The following EPB41L2 variants were observed in gnomAD, a reference collection of about 807,000 sequenced individuals.
The protein encoded by EPB41L2 is band 4.1-like protein 2.
Under a neutral mutation model 113.0 loss-of-function variants are expected in EPB41L2, and 43 were observed. The observed-to-expected ratio is 0.38, with a 90% CI of 0.30 to 0.49. EPB41L2 has a LOEUF of 0.49. Among genes scored for constraint, EPB41L2 ranks in the 20% least tolerant of loss-of-function variants. The pLI is 0.95. For missense variants in EPB41L2, 1,147 were observed against 1,223.4 expected (o/e 0.94, Z 0.93); for synonymous variants, 442 against 436.7 (o/e 1.01, Z -0.15).
At chr6:130,925,543 A>G (rs933249628) in intron 4 of EPB41L2, among the ~76,000 whole-genome samples, 2 of 152,168 alleles carry the variant, frequency 1.3e-5, no homozygotes, top group East Asian at 3.9e-4. Flanking sequence ...GTTATTCTAC[A>G]TATTGTACAA....
chr6:130,907,925 A>T (rs1477794805), intron 5 of EPB41L2, among the ~76,000 whole-genome samples: 1 of 152,158 alleles, frequency 6.6e-6, no homozygotes, highest in Non-Finnish European at 1.5e-5. Flanking sequence ...TCCTGGGACA[A>T]CTCTGGGCTC....
intron 3 of EPB41L2, among the ~76,000 whole-genome samples, chr6:130,950,533 A>G (rs1814562751): frequency 6.6e-6 from 1 of 152,152 alleles, no homozygotes; most frequent in Admixed American, 6.5e-5. Context: ...AAAAAAAACA[A>G]AAACTACCTT....
At chr6:131,007,653 T>A (rs1402887171) in intron 1 of EPB41L2, among the ~76,000 whole-genome samples, 1 of 152,066 alleles carries the variant, frequency 6.6e-6, no homozygotes, top group Non-Finnish European at 1.5e-5. Flanking sequence ...GACAATGAAG[T>A]CCAAGCTGAG....
intron 1 of EPB41L2, among the ~76,000 whole-genome samples, chr6:130,971,566 C>A (rs1776785568): frequency 6.6e-6 from 1 of 152,246 alleles, no homozygotes; most frequent in Admixed American, 6.5e-5. Context: ...GCTGCTTCTA[C>A]AACATGGAGC....
chr6:131,002,128 C>G (rs573484587), intron 1 of EPB41L2, among the ~76,000 whole-genome samples: 1 of 152,168 alleles, frequency 6.6e-6, no homozygotes, highest in Admixed American at 6.6e-5. Context: ...CTTTAACTAC[C>G]TGTTGATTCA....
intron 4 of EPB41L2, among the ~76,000 whole-genome samples, chr6:130,918,460 A>G (rs534071972): frequency 6.6e-6 from 1 of 152,310 alleles, no homozygotes; most frequent in African/African-American, 2.4e-5. Flanking sequence ...AGACATGAAT[A>G]CAAGAACTAT....
At chr6:130,977,254 A>G (rs1346747510) in intron 1 of EPB41L2, among the ~76,000 whole-genome samples, 4 of 152,336 alleles carry the variant, frequency 2.6e-5, no homozygotes, top group South Asian at 2.1e-4. Flanking sequence ...TGGAATTTGT[A>G]AAGAATCAAA....
chr6:130,928,179 CAATT>C (rs1260007275), intron 3 of EPB41L2, among the ~76,000 whole-genome samples: 7 of 152,228 alleles, frequency 4.6e-5, no homozygotes, highest in African/African-American at 1.4e-4. Context: ...ATTTAATAGT[CAATT>C]AAATTACTGA....
At chr6:131,014,788 TTCAG>T (rs1407081083) in intron 1 of EPB41L2, among the ~76,000 whole-genome samples, 1 of 152,236 alleles carries the variant, frequency 6.6e-6, no homozygotes, top group African/African-American at 2.4e-5. Context: ...AAGAGTATTT[TTCAG>T]TCAGAGTCCA....
chr6:130,887,500 A>G (rs976985261), intron 11 of EPB41L2, among the ~76,000 whole-genome samples: 7 of 151,964 alleles, frequency 4.6e-5, no homozygotes, highest in African/African-American at 1.7e-4. Context: ...ATAAATAAAA[A>G]CCACATTCTT....
chr6:131,053,496 C>A (rs538388765), intron 1 of EPB41L2, among the ~76,000 whole-genome samples: 5 of 149,166 alleles, frequency 3.4e-5, no homozygotes, highest in Non-Finnish European at 7.4e-5. Flanking sequence ...GGAAGAAAAG[C>A]TCCCTGCTTC....
chr6:130,974,624 T>C (rs1777706153), intron 1 of EPB41L2, among the ~76,000 whole-genome samples: 1 of 152,046 alleles, frequency 6.6e-6, no homozygotes, highest in South Asian at 2.1e-4. Flanking sequence ...TATACCCACT[T>C]ATGAGTGGTA....
intron 19 of EPB41L2, among the ~76,000 whole-genome samples, chr6:130,851,242 C>T (rs1401802038): frequency 6.6e-6 from 1 of 152,210 alleles, no homozygotes; most frequent in African/African-American, 2.4e-5. Flanking sequence ...TTAGCTAGAG[C>T]TCAGTTCAGC....
At chr6:131,005,794 A>G (rs1188296644) in intron 1 of EPB41L2, among the ~76,000 whole-genome samples, 2 of 152,294 alleles carry the variant, frequency 1.3e-5, no homozygotes, top group Non-Finnish European at 2.9e-5. Flanking sequence ...ATCCCAACGC[A>G]GTTCACAAAT....
At chr6:131,058,351 T>C (rs78051210) in intron 1 of EPB41L2, among the ~76,000 whole-genome samples, 8,894 of 152,174 alleles carry the variant, frequency 0.058, 327 homozygotes, top group Non-Finnish European at 0.077. Flanking sequence ...CCCAACACCA[T>C]GGAAATATAT....
At chr6:131,059,668 C>T (rs1798296994) in intron 1 of EPB41L2, among the ~76,000 whole-genome samples, 1 of 152,142 alleles carries the variant, frequency 6.6e-6, no homozygotes, top group Non-Finnish European at 1.5e-5. Flanking sequence ...GAACTGTTTG[C>T]ATGTTGAGAG....
intron 1 of EPB41L2, among the ~76,000 whole-genome samples, chr6:130,980,607 T>C (rs989499231): frequency 1.6e-4 from 24 of 152,100 alleles, no homozygotes; most frequent in African/African-American, 5.6e-4. Flanking sequence ...TGGAGCATTT[T>C]GTTAAATGAA....
chr6:131,053,434 T>TAAAAAAAAAAAAAAAAAAAAAAAAAA (rs71030727), intron 1 of EPB41L2, among the ~76,000 whole-genome samples: 1 of 88,906 alleles, frequency 1.1e-5, no homozygotes, highest in African/African-American at 4.3e-5. Context: ...ATGGAAATGA[T>TAAAAAAAAAAAAAAAAAAAAAAAAAA]AAAAAAAAAA....
chr6:130,983,826 G>A (rs991682908), intron 1 of EPB41L2, among the ~76,000 whole-genome samples: 4 of 152,086 alleles, frequency 2.6e-5, no homozygotes, highest in South Asian at 2.1e-4. Context: ...ACCATGCCCA[G>A]CCTGACTACA....
Sources: allele counts gnomAD v4.1 joint callset (sites outside exome capture counted in the v4.1 genomes callset), GRCh38; gene constraint gnomAD v4.1.1; transcripts MANE v1.5; gene names NCBI Gene and HGNC (gene_info 2026-07-23, HGNC 2026-07-21).